Variants in GPHN observed in about 807,000 individuals in gnomAD.
GPHN encodes the protein gephyrin.
A neutral mutation model predicts 95.5 loss-of-function variants in GPHN; 17 were observed. The ratio of observed to expected loss-of-function variants is 0.18; its 90% CI spans 0.12 to 0.27. The LOEUF is 0.27. GPHN is among the 10% of genes least tolerant of loss of function. The probability of loss-of-function intolerance (pLI) is 1.00; values close to 1 mark genes in which losing one functional copy is unlikely to be tolerated. For synonymous variants in GPHN, 320 were observed against 322.5 expected, an observed-to-expected ratio of 0.99 and a Z score of 0.08; for missense variants, 660 against 978.1, an observed-to-expected ratio of 0.67 and a Z score of 4.34.
chr14:66,889,174 A>G (rs2064345909), intron 5 of GPHN, among the ~76,000 whole-genome samples: 1 of 152,134 alleles, frequency 6.6e-6, no homozygotes, highest in Non-Finnish European at 1.5e-5. Context: ...GCCACATTCA[A>G]TAATGGATAG....
the GPHN span, among the ~76,000 whole-genome samples, chr14:67,465,363 C>T: frequency 7.5e-6 from 1 of 134,102 alleles, no homozygotes; most frequent in African/African-American, 2.5e-5. Flanking sequence ...AAGTCAGTCT[C>T]CCTGGATGGC....
At chr14:67,332,518 TAAGAC>T in the GPHN span, among the ~76,000 whole-genome samples, 2 of 152,198 alleles carry the variant, frequency 1.3e-5, no homozygotes, top group Non-Finnish European at 2.9e-5. Flanking sequence ...GTTGGTGAGA[TAAGAC>T]AAAATATGTG....
the GPHN span, among the ~76,000 whole-genome samples, chr14:67,414,344 C>A: frequency 6.6e-6 from 1 of 152,206 alleles, no homozygotes; most frequent in South Asian, 2.1e-4. Context: ...GAGTCATACC[C>A]CTTCCTTCCC....
chr14:66,952,199 C>G (rs1414847826), intron 8 of GPHN, among the ~76,000 whole-genome samples: 2 of 152,162 alleles, frequency 1.3e-5, no homozygotes, highest in Admixed American at 6.6e-5. Flanking sequence ...TTCTCCATTC[C>G]CTCTGCCCCC....
chr14:67,272,250 TC>T, the GPHN span, among the ~76,000 whole-genome samples: 1 of 152,194 alleles, frequency 6.6e-6, no homozygotes, highest in Non-Finnish European at 1.5e-5. Context: ...AGTCCTATCT[TC>T]CACTACTCTC....
the GPHN span, chr14:67,200,418 G>T: frequency 1.9e-6 from 1 of 529,912 alleles, no homozygotes; most frequent in East Asian, 3.6e-5. Context: ...TGGGGCTAAG[G>T]CACTAATCCC....
At chr14:66,746,207 G>C (rs895861063) in intron 2 of GPHN, among the ~76,000 whole-genome samples, 3 of 152,048 alleles carry the variant, frequency 2.0e-5, no homozygotes. Flanking sequence ...ATGTACAATT[G>C]CTGGCTCATA....
At chr14:66,621,458 T>C (rs1157305876) in intron 1 of GPHN, among the ~76,000 whole-genome samples, 1 of 147,462 alleles carries the variant, frequency 6.8e-6, no homozygotes, top group Non-Finnish European at 1.5e-5. Context: ...AGAGTCTCCC[T>C]CTGTCGCCCA....
intron 9 of GPHN, among the ~76,000 whole-genome samples, chr14:66,980,714 A>C (rs1567176548): frequency 6.6e-6 from 1 of 152,186 alleles, no homozygotes; most frequent in Non-Finnish European, 1.5e-5. Flanking sequence ...AAATAAATAA[A>C]TGCAAATGTT....
intron 12 of GPHN, among the ~76,000 whole-genome samples, chr14:67,093,971 T>G (rs962842632): frequency 2.0e-5 from 3 of 152,148 alleles, no homozygotes; most frequent in Non-Finnish European, 4.4e-5. Context: ...TTACTATTCC[T>G]TCTGCCTTAT....
the GPHN span, chr14:67,294,783 C>T: frequency 6.6e-6 from 1 of 152,342 alleles, no homozygotes; most frequent in African/African-American, 2.4e-5. Context: ...CGCCATTCTC[C>T]TGCCTCAGCC....
At chr14:66,801,373 G>C (rs1018110843) in intron 3 of GPHN, among the ~76,000 whole-genome samples, 2 of 152,120 alleles carry the variant, frequency 1.3e-5, no homozygotes, top group African/African-American at 4.8e-5. Flanking sequence ...GAAAGGACCT[G>C]AGTGTTATAA....
At chr14:67,365,070 A>G in the GPHN span, 186 of 1,477,502 alleles carry the variant, frequency 1.3e-4, no homozygotes, top group Middle Eastern at 1.8e-4. Context: ...TTAAAAATAC[A>G]TTTTTTGTAA....
intron 1 of GPHN, among the ~76,000 whole-genome samples, chr14:66,550,846 G>GTT (rs528936386): frequency 1.3e-5 from 2 of 151,202 alleles, no homozygotes; most frequent in African/African-American, 4.9e-5. Context: ...TAGCAGTAAG[G>GTT]TTTTTTTTTG....
the GPHN span, among the ~76,000 whole-genome samples, chr14:67,676,488 T>C: frequency 1.3e-5 from 2 of 151,996 alleles, no homozygotes; most frequent in Non-Finnish European, 2.9e-5. Flanking sequence ...CCCAGCACTT[T>C]GGGAGGCCAA....
the GPHN span, among the ~76,000 whole-genome samples, chr14:67,209,367 G>A: frequency 3.9e-5 from 6 of 152,210 alleles, no homozygotes; most frequent in African/African-American, 1.2e-4. Flanking sequence ...ATTTTATACA[G>A]GTGGTCAAGG....
intron 10 of GPHN, among the ~76,000 whole-genome samples, chr14:67,038,402 G>A (rs148208822): frequency 6.3e-4 from 96 of 152,166 alleles, no homozygotes; most frequent in African/African-American, 2.2e-3. Flanking sequence ...TGTTAATTCT[G>A]TTAAATTTTT....
intron 5 of GPHN, among the ~76,000 whole-genome samples, chr14:66,882,708 T>A (rs941944648): frequency 1.3e-5 from 2 of 151,870 alleles, no homozygotes; most frequent in South Asian, 2.1e-4. Context: ...GGTTGTTTCG[T>A]TAGAGTTTTT....
intron 8 of GPHN, among the ~76,000 whole-genome samples, chr14:66,926,865 C>T (rs1231840463): frequency 1.3e-5 from 2 of 152,148 alleles, no homozygotes; most frequent in Admixed American, 1.3e-4. Context: ...TTGATTCTTC[C>T]AATCCATGAA....
Sources: allele counts gnomAD v4.1 joint callset (sites outside exome capture counted in the v4.1 genomes callset), GRCh38; gene constraint gnomAD v4.1.1; transcripts MANE v1.5; gene names NCBI Gene and HGNC (gene_info 2026-07-23, HGNC 2026-07-21).